Variants in GK5 observed in about 807,000 individuals in gnomAD.
GK5 encodes the protein ATP:glycerol 3-phosphotransferase 5.
In GK5, 39 loss-of-function variants were observed where a neutral mutation model predicts 77.3. That is an observed-to-expected ratio of 0.50 (90% CI 0.39 to 0.66). The LOEUF is 0.66. Ranked by LOEUF, GK5 falls within the 30% of genes least tolerant of loss-of-function variation. The pLI is 0.00. For synonymous variants in GK5, 211 were observed against 208.0 expected (o/e 1.01, Z -0.13); for missense variants, 487 against 633.8 (o/e 0.77, Z 2.49).
chr3:142,174,230 C>T (rs1016319889), intron 12 of GK5, among the ~76,000 whole-genome samples: 1 of 152,152 alleles, frequency 6.6e-6, no homozygotes, highest in Non-Finnish European at 1.5e-5. Context: ...AATAAATGAA[C>T]AAACAATATT....
chr3:142,184,281 A>G (rs2063737722), intron 9 of GK5, among the ~76,000 whole-genome samples: 2 of 149,510 alleles, frequency 1.3e-5, no homozygotes, highest in South Asian at 4.2e-4. Flanking sequence ...AAAAAAAAAA[A>G]AAAAAGAAAA....
chr3:142,210,420 G>A (rs1483576992), intron 3 of GK5, among the ~76,000 whole-genome samples: 4 of 152,038 alleles, frequency 2.6e-5, no homozygotes, highest in African/African-American at 7.2e-5. Flanking sequence ...GTTGTGTCCC[G>A]GCTGTTTGCT....
chr3:142,213,626 C>T, intron 2 of GK5, 25 bp from the exon 3 acceptor site: 1 of 1,457,812 alleles, frequency 6.9e-7, no homozygotes, highest in Non-Finnish European at 9.6e-7. Context: ...GGATAAAACA[C>T]ATGTTTTAAA....
chr3:142,171,475 G>C lies in GK5; in HGVS notation c.1251C>G (p.Asn417Lys). 1 of 1,434,534 alleles carries C rather than the reference G, an allele frequency of 7.0e-7. No homozygotes were observed. The highest frequency in any genetic ancestry group is 9.4e-7 in the Non-Finnish European group (1 of 1,067,678). 88.9% of individuals were successfully genotyped at this position (1,434,534 alleles called of 1,614,324 possible). A position where few individuals can be genotyped will look rare whatever the true frequency, so the allele number is the denominator to read the frequency against. The change falls in exon 14 of 16, where the codon AAC (asparagine) becomes AAG (lysine). Residue 417 changes from asparagine to lysine, a missense_variant. Physicochemically the swap from Asn to Lys is moderately conservative, Grantham distance 94. Around this residue, in one of 4 missense-constraint regions of GK5, gnomAD observed 323 missense variants for 437.4 expected, o/e 0.74. Transcript: ENST00000392993. ...TCTTCATCATCTCATATAACTGTTT[G>C]TTTCTAGTTAAAAAACAAGATAACT... is the stretch of plus-strand genomic sequence containing the variant. ...RAILESIAFR[N>K]KQLYEMMKKE...
rs888611289 is a variant in GK5, at chr3:142,160,289, C to T, written c.*5333G>A. 6.6e-6 allele frequency: 1 copy of T among 152,176 alleles called. No individual in the cohort carries two copies. Among genetic ancestry groups the T allele is most frequent in the Non-Finnish European group, 1.5e-5 (1 of 68,058 alleles). The allele number at this position is 152,176 out of a possible 1,614,324, so 9.4% of individuals were successfully genotyped here. ...ACAGGTGTGAACCACCACGCTTATC[C>T]TGGGGCTTTTAATTCTTACTGAAAA... is the stretch of plus-strand genomic sequence containing the variant. On this transcript the variant is annotated 3_prime_UTR_variant, in exon 16 of 16. Coordinates refer to ENST00000392993, the MANE Select transcript of GK5 (RefSeq NM_001039547.3).
intron 1 of GK5, among the ~76,000 whole-genome samples, chr3:142,218,108 G>A (rs554729848): frequency 6.6e-6 from 1 of 151,874 alleles, no homozygotes; most frequent in Admixed American, 6.6e-5. Flanking sequence ...AGAATACAGA[G>A]TCCAGAAATA....
intron 5 of GK5, among the ~76,000 whole-genome samples, chr3:142,194,444 T>C (rs1178637843): frequency 6.6e-6 from 1 of 151,804 alleles, no homozygotes; most frequent in Non-Finnish European, 1.5e-5. Context: ...GAGAATCACT[T>C]GAGCCTGGGA....
chr3:142,166,671 C>T (rs2063475960), intron 15 of GK5, among the ~76,000 whole-genome samples: 1 of 152,068 alleles, frequency 6.6e-6, no homozygotes, highest in Non-Finnish European at 1.5e-5. Flanking sequence ...GTAGCTCGGA[C>T]CATAGGCACG....
At chr3:142,176,829 T>G (rs2063620082) in intron 12 of GK5, among the ~76,000 whole-genome samples, 1 of 152,004 alleles carries the variant, frequency 6.6e-6, no homozygotes, top group Non-Finnish European at 1.5e-5. Flanking sequence ...GCATGGCTAA[T>G]TTTTTGCATT....
chr3:142,213,079 C>T (rs1434952774), intron 3 of GK5, among the ~76,000 whole-genome samples: 1 of 151,940 alleles, frequency 6.6e-6, no homozygotes, highest in Non-Finnish European at 1.5e-5. Flanking sequence ...CGTGATCCGC[C>T]CACCTCGGCC....
In GK5 at chr3:142,165,698, C is replaced by T; in HGVS notation, c.1514G>A (p.Cys505Tyr). ...TTCCAGACTCATTTCATATTCTTGA[C>T]ATTTCTTCTGTGGCTTGAAAACCAC... is the stretch of plus-strand genomic sequence containing the variant. ...SEVVFKPQKKCQEYEMSLENW... is the reference protein window; with the variant it reads ...SEVVFKPQKKYQEYEMSLENW... Residue 505 changes from cysteine (C) to tyrosine (Y), a missense_variant, in exon 16 of 16, where the codon TGT becomes TAT. Transcript: ENST00000392993. The T allele has an allele frequency of 1.2e-6, 2 of 1,613,344 alleles. No individual in the cohort carries two copies. The highest frequency in any genetic ancestry group is 1.7e-6 in the Non-Finnish European group (2 of 1,179,484).
chr3:142,180,173 C>T (rs1272888989), intron 11 of GK5, among the ~76,000 whole-genome samples: 1 of 152,186 alleles, frequency 6.6e-6, no homozygotes, highest in African/African-American at 2.4e-5. Flanking sequence ...TCTTCCCGTG[C>T]GCCCACTCCC....
At chr3:142,208,977 G>A (rs1447019165) in intron 3 of GK5, among the ~76,000 whole-genome samples, 1 of 152,016 alleles carries the variant, frequency 6.6e-6, no homozygotes, top group Admixed American at 6.6e-5. Flanking sequence ...GTGAAACCCC[G>A]TCTCTACTAA....
At chr3:142,195,844 A>G (rs1375080150) in intron 5 of GK5, among the ~76,000 whole-genome samples, 1 of 152,210 alleles carries the variant, frequency 6.6e-6, no homozygotes, top group African/African-American at 2.4e-5. Flanking sequence ...GTCTCCAACT[A>G]TTACTATTCA....
rs6799018 is a variant in GK5 at position 142,186,574 on chromosome 3, T to C, written c.620-61A>G. The C allele has an allele frequency of 9.7e-4, 680 of 698,506 alleles. 3 individuals carry two copies. In the African/African-American group the frequency reaches 0.011, roughly 11 times the overall value. 43.3% of individuals were successfully genotyped at this position (698,506 alleles called of 1,614,324 possible). On this transcript the variant is annotated intron_variant, in intron 6 of 15. Transcript: ENST00000392993. ...GATAGTATAAATCAACACCTATCGATAGTATATAATATAGACCTTTGTCTA... is the reference window on the plus strand; with the variant it reads ...GATAGTATAAATCAACACCTATCGACAGTATATAATATAGACCTTTGTCTA...
At chr3:142,194,616 TG>T (rs2063906199) in intron 5 of GK5, among the ~76,000 whole-genome samples, 1 of 151,838 alleles carries the variant, frequency 6.6e-6, no homozygotes, top group Non-Finnish European at 1.5e-5. Context: ...CTCTTGAGCC[TG>T]GAGGTTGAGA....
Position 142,159,690 on chromosome 3 carries a change from A to G in GK5, c.*5932T>C, listed in dbSNP as rs2063409559. The stretch of plus-strand genomic sequence containing the variant: ...GGGATTTAAAAAGAAAAAACCACCA[A>G]CACGATTTTGAATCATCTATTTAAC... On this transcript the variant is annotated 3_prime_UTR_variant, in exon 16 of 16. Coordinates refer to ENST00000392993, the MANE Select transcript of GK5 (RefSeq NM_001039547.3). The G allele has an allele frequency of 6.6e-6, 1 of 152,004 alleles. No individual in the cohort carries two copies. The highest frequency in any genetic ancestry group is 1.5e-5 in the Non-Finnish European group (1 of 67,990). 9.4% of individuals were successfully genotyped at this position (152,004 alleles called of 1,614,324 possible).
At chr3:142,225,214 G>A in intron 1 of GK5, 95 bp downstream of exon 1, 2 of 1,317,946 alleles carry the variant, frequency 1.5e-6, no homozygotes, top group East Asian at 3.1e-5. Flanking sequence ...CGTCCAGGGC[G>A]GTAGGTGGGG....
Position 142,165,038 on chromosome 3 carries a change from A to C in GK5, c.*584T>G, listed in dbSNP as rs2063458337. 1 of 152,632 alleles carries C rather than the reference A, an allele frequency of 6.6e-6. No homozygotes were observed. The highest frequency in any genetic ancestry group is 1.5e-5 in the Non-Finnish European group (1 of 68,026). The allele number at this position is 152,632 out of a possible 1,614,324, so 9.5% of individuals were successfully genotyped here. ...CAGTGTCTTTAAGACCAGTAAAGGA[A>C]AGCATTAACTATCTCATAAGCTTAT... On this transcript the variant is annotated 3_prime_UTR_variant, in exon 16 of 16. Transcript: ENST00000392993.
Sources: allele counts gnomAD v4.1 joint callset (sites outside exome capture counted in the v4.1 genomes callset), GRCh38; gene constraint gnomAD v4.1.1; regional missense constraint gnomAD v4.1.1; transcripts MANE v1.5; gene names NCBI Gene and HGNC (gene_info 2026-07-23, HGNC 2026-07-21).